The following AMOT variants were observed in gnomAD, a reference collection of about 807,000 sequenced individuals.
The protein encoded by AMOT is angiomotin.
A neutral mutation model predicts 67.0 loss-of-function variants in AMOT; 11 were observed. The ratio of observed to expected loss-of-function variants is 0.16; its 90% CI spans 0.10 to 0.27. The LOEUF is 0.27. Ranked by LOEUF, AMOT falls within the 10% of genes least tolerant of loss-of-function variation. AMOT has a pLI of 1.00. For missense variants in AMOT, 753 were observed against 852.0 expected (o/e 0.88, Z 1.45); for synonymous variants, 326 against 321.4 (o/e 1.01, Z -0.15).
intron 1 of AMOT, among the ~76,000 whole-genome samples, chrX:112,839,439 C>A (rs1263070076): frequency 1.8e-5 from 2 of 111,963 alleles, no homozygotes; most frequent in Non-Finnish European, 3.8e-5. Context: ...TTATCTTCTT[C>A]TCTGAATGGG....
intron 2 of AMOT, among the ~76,000 whole-genome samples, chrX:112,828,000 G>A (rs1934887475): frequency 9.0e-6 from 1 of 111,140 alleles, no homozygotes. Flanking sequence ...CCAGTTCAAA[G>A]TTTTCCCTGT....
At chrX:112,802,875 CTAGAA>C (rs1934058091) in intron 8 of AMOT, among the ~76,000 whole-genome samples, 1 of 111,970 alleles carries the variant, frequency 8.9e-6, no homozygotes, top group African/African-American at 3.2e-5. Flanking sequence ...CCAGTGGGAA[CTAGAA>C]ATGAACATTT....
At chrX:112,834,484 G>C (rs907010364) in intron 1 of AMOT, among the ~76,000 whole-genome samples, 1 of 111,542 alleles carries the variant, frequency 9.0e-6, no homozygotes, top group Non-Finnish European at 1.9e-5. Context: ...ATAAGAAGAA[G>C]GGAGACTCTC....
chrX:112,815,835 C>G lies in AMOT; in HGVS notation c.915G>C (p.Ser305=). ...DISLPLSARN[S]QPHSPTSSLT... Reference sequence around the variant, plus strand: ...GAGAAGAAGTAGGGCTGTGAGGCTGCGAGTTCCTGGCTGACAATGGCAATG... The same window carrying G: ...GAGAAGAAGTAGGGCTGTGAGGCTGGGAGTTCCTGGCTGACAATGGCAATG... The change falls in exon 5 of 14, where the codon TCG becomes TCC. Residue 305 remains serine, a synonymous_variant. Transcript: ENST00000371959. 1 of 1,166,638 alleles carries G rather than the reference C, an allele frequency of 8.6e-7. No homozygotes were observed. Among genetic ancestry groups the G allele is most frequent in the East Asian group, 3.3e-5 (1 of 30,728 alleles).
At position 112,820,554 on chromosome X, in the gene AMOT, T is replaced by C. The variant is rs185558331; in HGVS notation, c.872+1701A>G. 2.3e-3 allele frequency among the ~76,000 whole-genome samples: 261 copies of C among 111,563 alleles called. 1 individual carries two copies. The highest frequency in any genetic ancestry group is 2.9e-3 in the Non-Finnish European group (156 of 53,073). On this transcript the variant is annotated intron_variant, in intron 4 of 13. Transcript: ENST00000371959. ...CTGGTGAATGAGTTCTGAAAATAGC[T>C]TTCCTGGGAAGGCGGGCTGTGTGCT...
In AMOT at chrX:112,783,397, A is replaced by G. The variant is rs1360869704; in HGVS notation, c.2118-735T>C. 5.4e-5 allele frequency among the ~76,000 whole-genome samples: 6 copies of G among 111,427 alleles called. No homozygotes were observed. The Admixed American group carries it at 5.7e-4, about 11-fold the overall frequency. The stretch of plus-strand genomic sequence containing the variant: ...TTCAAGAAAGTCAGAGGGTATACTA[A>G]GTAACTTATGGCTACAGATGAACAT... On this transcript the variant is annotated intron_variant, in intron 10 of 13. Coordinates refer to ENST00000371959, the MANE Select transcript of AMOT (RefSeq NM_001113490.2).
intron 5 of AMOT, 46 bp from the exon 6 acceptor site, chrX:112,811,439 G>A (rs990778843): frequency 8.5e-7 from 1 of 1,175,390 alleles, no homozygotes; most frequent in South Asian, 1.9e-5. Context: ...GGAGGGTGAT[G>A]GGGAAAATGG....
chrX:112,780,243 G>A (rs1228427233), intron 12 of AMOT: 1 of 111,959 alleles, frequency 8.9e-6, no homozygotes, highest in Non-Finnish European at 1.9e-5. Context: ...AAGTATCAGA[G>A]GACCAAGAAA....
At chrX:112,821,260 C>T (rs1474045599) in intron 4 of AMOT, among the ~76,000 whole-genome samples, 3 of 111,368 alleles carry the variant, frequency 2.7e-5, no homozygotes, top group African/African-American at 6.5e-5. Flanking sequence ...AGCCTAGGAC[C>T]AAGCACTTCA....
rs764632632 is a variant in AMOT at position 112,786,997 on chromosome X, G to A, written c.2117+3595C>T. Among the ~76,000 whole-genome samples, 42 of 111,661 alleles carry A rather than the reference G, an allele frequency of 3.8e-4. 1 individual carries two copies. Among genetic ancestry groups the A allele is most frequent in the Admixed American group, 3.6e-3 (38 of 10,509 alleles). On this transcript the variant is annotated intron_variant, in intron 10 of 13. Transcript: ENST00000371959. ...ATCTCACAGAGTTGCTGTATCTGAT[G>A]TTTAAGATGCATCTCAGGATAAAGG...
Position 112,815,712 on chromosome X carries a change from T to C in AMOT, c.1038A>G (p.Ser346=). Residue 346 remains serine (S), a synonymous_variant, in exon 5 of 14, where the codon TCA becomes TCG. Coordinates refer to ENST00000371959, the MANE Select transcript of AMOT (RefSeq NM_001113490.2). ...HPLVPNQGDH[S]AHLPRPQQHF... ...GCTGCTGCGGCCTAGGCAGGTGAGC[T>C]GAATGGTCTCCCTGGTTTGGGACCA... 1 of 1,168,111 alleles carries C rather than the reference T, an allele frequency of 8.6e-7. No individual in the cohort carries two copies. Among genetic ancestry groups the C allele is most frequent in the Non-Finnish European group, 1.1e-6 (1 of 873,402 alleles).
intron 10 of AMOT, among the ~76,000 whole-genome samples, chrX:112,788,373 T>C (rs1025059273): frequency 6.4e-5 from 7 of 109,976 alleles, no homozygotes; most frequent in African/African-American, 1.0e-4. Flanking sequence ...CCTTGGTCAA[T>C]AGCTACATTT....
intron 8 of AMOT, among the ~76,000 whole-genome samples, chrX:112,800,408 G>A (rs190243629): frequency 1.8e-5 from 2 of 111,792 alleles, no homozygotes; most frequent in African/African-American, 6.5e-5. Flanking sequence ...ATTCCTGGGT[G>A]GATATGTATT....
chrX:112,824,683 G>A (rs1429338187), intron 3 of AMOT, among the ~76,000 whole-genome samples: 1 of 111,176 alleles, frequency 9.0e-6, no homozygotes, highest in Non-Finnish European at 1.9e-5. Context: ...ACACCAGTGG[G>A]TTAAGCAACC....
intron 7 of AMOT, among the ~76,000 whole-genome samples, chrX:112,809,392 ACT>A (rs1934284500): frequency 6.3e-5 from 7 of 110,347 alleles, no homozygotes; most frequent in African/African-American, 2.3e-4. Flanking sequence ...ACATCCTCCA[ACT>A]CTGCAGCCAG....
At chrX:112,802,434 T>C in intron 8 of AMOT, among the ~76,000 whole-genome samples, 1 of 112,548 alleles carries the variant, frequency 8.9e-6, no homozygotes, top group Non-Finnish European at 1.9e-5. Context: ...TAAGAACCAG[T>C]TGATTTTCTC....
intron 4 of AMOT, 76 bp downstream of exon 4, chrX:112,822,179 T>G: frequency 9.5e-7 from 1 of 1,054,714 alleles, no homozygotes; most frequent in Non-Finnish European, 1.2e-6. Context: ...GCCCGTTCCT[T>G]CCCTAAGATT....
intron 2 of AMOT, among the ~76,000 whole-genome samples, chrX:112,826,163 T>C (rs1366489968): frequency 8.9e-6 from 1 of 111,834 alleles, no homozygotes; most frequent in Non-Finnish European, 1.9e-5. Context: ...TTAAGTGACA[T>C]GCACATGAAC....
intron 10 of AMOT, among the ~76,000 whole-genome samples, chrX:112,788,923 T>C (rs1933473914): frequency 8.9e-6 from 1 of 112,394 alleles, no homozygotes; most frequent in African/African-American, 3.2e-5. Context: ...TGAAAATCCA[T>C]CTGAAAGGGG....
Sources: allele counts gnomAD v4.1 joint callset (sites outside exome capture counted in the v4.1 genomes callset), GRCh38; gene constraint gnomAD v4.1.1; transcripts MANE v1.5; gene names NCBI Gene and HGNC (gene_info 2026-07-23, HGNC 2026-07-21).